Variants in KCNQ3 observed in about 807,000 individuals in gnomAD.
KCNQ3 encodes potassium voltage-gated channel subfamily Q member 3.
A neutral mutation model predicts 92.5 loss-of-function variants in KCNQ3; 30 were observed. The observed-to-expected ratio is 0.32, with a 90% confidence interval of 0.24 to 0.44. The LOEUF (loss-of-function observed/expected upper bound fraction) is 0.44. Ranked by LOEUF, KCNQ3 falls within the 20% of genes least tolerant of loss-of-function variation. The probability of loss-of-function intolerance (pLI) is 1.00; values close to 1 mark genes in which losing one functional copy is unlikely to be tolerated. For missense variants in KCNQ3, 913 were observed against 1,140.3 expected (o/e 0.80, Z 2.87); for synonymous variants, 450 against 468.8 (o/e 0.96, Z 0.52).
chr8:132,183,326 G>A (rs140841941), intron 3 of KCNQ3, among the ~76,000 whole-genome samples: 190 of 152,252 alleles, frequency 1.2e-3, no homozygotes, highest in African/African-American at 4.5e-3. Flanking sequence ...TGTCAGAGGA[G>A]TTAAAATGAG....
intron 5 of KCNQ3, 147 bp downstream of exon 5, chr8:132,175,306 G>T: frequency 1.2e-6 from 1 of 865,050 alleles, no homozygotes. Context: ...TCTTCTGTCA[G>T]CAGGTTCTGA....
At chr8:132,237,339 T>A (rs1814849556) in intron 1 of KCNQ3, among the ~76,000 whole-genome samples, 1 of 152,210 alleles carries the variant, frequency 6.6e-6, no homozygotes, top group Non-Finnish European at 1.5e-5. Context: ...TTCCAGGCAT[T>A]GTTTTCAGTG....
intron 9 of KCNQ3, among the ~76,000 whole-genome samples, chr8:132,151,191 G>A (rs1825626538): frequency 1.3e-5 from 2 of 152,156 alleles, no homozygotes; most frequent in African/African-American, 4.8e-5. Context: ...TATGCTGGAA[G>A]GAGTCAAACC....
chr8:132,327,461 T>A (rs1252053744), intron 1 of KCNQ3, among the ~76,000 whole-genome samples: 1 of 152,090 alleles, frequency 6.6e-6, no homozygotes, highest in Non-Finnish European at 1.5e-5. Context: ...GATCTGTAGG[T>A]ATCAGAGTAT....
intron 1 of KCNQ3, among the ~76,000 whole-genome samples, chr8:132,270,196 T>C (rs1816108313): frequency 6.6e-6 from 1 of 152,176 alleles, no homozygotes. Context: ...AAAGTTTAAC[T>C]TGATGCTGCG....
intron 1 of KCNQ3, among the ~76,000 whole-genome samples, chr8:132,354,199 C>G (rs1313899112): frequency 6.6e-6 from 1 of 152,188 alleles, no homozygotes; most frequent in Non-Finnish European, 1.5e-5. Context: ...GCAGGAGAGG[C>G]AGCTGGCTCC....
At chr8:132,376,019 G>A (rs1419244676) in intron 1 of KCNQ3, among the ~76,000 whole-genome samples, 2 of 152,172 alleles carry the variant, frequency 1.3e-5, no homozygotes, top group East Asian at 1.9e-4. Flanking sequence ...GAGTTAGCAC[G>A]AAGCCCAGGC....
chr8:132,198,863 A>G (rs1244150167), intron 1 of KCNQ3, among the ~76,000 whole-genome samples: 1 of 152,178 alleles, frequency 6.6e-6, no homozygotes, highest in African/African-American at 2.4e-5. Flanking sequence ...TGTTATCTTA[A>G]TATTCCTTAT....
At chr8:132,396,827 G>A (rs1027063145) in intron 1 of KCNQ3, among the ~76,000 whole-genome samples, 7 of 152,150 alleles carry the variant, frequency 4.6e-5, no homozygotes, top group Non-Finnish European at 8.8e-5. Flanking sequence ...GTTCTTAGAA[G>A]AAGTCAGAGA....
chr8:132,389,910 T>C (rs911121240), intron 1 of KCNQ3, among the ~76,000 whole-genome samples: 3 of 152,230 alleles, frequency 2.0e-5, no homozygotes, highest in African/African-American at 7.2e-5. Context: ...AACCAGCAGT[T>C]GTGTACCTAG....
intron 1 of KCNQ3, among the ~76,000 whole-genome samples, chr8:132,354,187 C>T (rs944740660): frequency 1.1e-4 from 16 of 152,198 alleles, no homozygotes; most frequent in African/African-American, 3.6e-4. Flanking sequence ...AGACAGATAT[C>T]TGCAGGAGAG....
intron 1 of KCNQ3, among the ~76,000 whole-genome samples, chr8:132,338,913 G>C (rs374836422): frequency 6.6e-6 from 1 of 152,216 alleles, no homozygotes; most frequent in East Asian, 1.9e-4. Flanking sequence ...CGTGGGTCAG[G>C]GGGAGAGGGA....
chr8:132,278,238 G>A, intron 1 of KCNQ3: 2 of 983,924 alleles, frequency 2.0e-6, no homozygotes, highest in Non-Finnish European at 2.4e-6. Context: ...TACAAAAGTA[G>A]AGGCATAAAT....
intron 13 of KCNQ3, among the ~76,000 whole-genome samples, 159 bp from the exon 14 acceptor site, chr8:132,132,423 C>T (rs1167545880): frequency 1.3e-5 from 2 of 152,268 alleles, no homozygotes; most frequent in Admixed American, 6.5e-5. Flanking sequence ...ATATGTGAGT[C>T]AGGAAAAGTC....
At chr8:132,297,476 G>C (rs147698693) in intron 1 of KCNQ3, among the ~76,000 whole-genome samples, 1 of 152,234 alleles carries the variant, frequency 6.6e-6, no homozygotes, top group East Asian at 1.9e-4. Context: ...TTCATGAACA[G>C]TGTGCTAATC....
At chr8:132,221,715 G>A (rs914023653) in intron 1 of KCNQ3, among the ~76,000 whole-genome samples, 2 of 152,136 alleles carry the variant, frequency 1.3e-5, no homozygotes, top group Non-Finnish European at 2.9e-5. Context: ...TACCAAAACA[G>A]ATATATAGAC....
rs753111892 is a variant in KCNQ3 at position 132,180,197 on chromosome 8, G to A, written c.737C>T (p.Thr246Ile). Residue 246 changes from threonine to isoleucine, a missense_variant, in exon 4 of 15, where the codon ACC becomes ATC. Around this residue, in one of 6 missense-constraint regions of KCNQ3, gnomAD observed 100 missense variants for 217.6 expected, o/e 0.46. Transcript: ENST00000388996. ...GATGGCTGAGCCCAGAAGCTTCCAG[G>A]TGCCACCTCTCCGGTCCATCCGCAG... is the stretch of plus-strand genomic sequence containing the variant. ...RMLRMDRRGG[T>I]WKLLGSAICA... 5 of 1,614,030 alleles carry A rather than the reference G, an allele frequency of 3.1e-6. No individual in the cohort carries two copies. The highest frequency in any genetic ancestry group is 2.2e-5 in the East Asian group (1 of 44,896).
At chr8:132,326,341 C>T (rs994059939) in intron 1 of KCNQ3, among the ~76,000 whole-genome samples, 1 of 152,170 alleles carries the variant, frequency 6.6e-6, no homozygotes, top group Non-Finnish European at 1.5e-5. Context: ...GATTCTGACT[C>T]TTGGTCAAAG....
At chr8:132,316,692 G>A (rs1586921238) in intron 1 of KCNQ3, among the ~76,000 whole-genome samples, 1 of 152,132 alleles carries the variant, frequency 6.6e-6, no homozygotes, top group Non-Finnish European at 1.5e-5. Flanking sequence ...GAGATCACCA[G>A]TTGTTTTCCT....
Sources: gnomAD v4.1 joint callset for allele counts (sites outside exome capture counted in the v4.1 genomes callset) on GRCh38, gnomAD v4.1.1 for gene constraint, gnomAD v4.1.1 regional missense constraint, MANE v1.5 for transcripts, NCBI Gene and HGNC (gene_info 2026-07-23, HGNC 2026-07-21) for gene names.